The following BBS5 variants were observed in gnomAD, a reference collection of about 807,000 sequenced individuals.
BBS5 encodes Bardet-Biedl syndrome 5.
Under a neutral mutation model 50.2 loss-of-function variants are expected in BBS5, and 39 were observed. The observed-to-expected ratio is 0.78, with a 90% CI of 0.60 to 1.01. BBS5 has a LOEUF of 1.01. Among genes scored for constraint, BBS5 ranks in the 50% least tolerant of loss-of-function variants. BBS5 has a pLI of 0.00. For synonymous variants in BBS5, 134 were observed against 133.1 expected (o/e 1.01, Z -0.05); for missense variants, 356 against 401.5 (o/e 0.89, Z 0.97).
chr2:169,501,701 C>G (rs1683806101), intron 9 of BBS5, among the ~76,000 whole-genome samples: 1 of 152,000 alleles, frequency 6.6e-6, no homozygotes, highest in Non-Finnish European at 1.5e-5. Context: ...TATGATCATG[C>G]CATTGCACTG....
chr2:169,490,430 A>T lies in BBS5; in HGVS notation c.386+2316A>T, dbSNP rs560510958. 3.2e-3 allele frequency among the ~76,000 whole-genome samples: 485 copies of T among 152,050 alleles called. 6 individuals carry two copies. The highest frequency in any genetic ancestry group is 5.2e-3 in the Non-Finnish European group (352 of 67,998). The stretch of plus-strand genomic sequence containing the variant: ...ACGGGGTTTCACTGTGTTAGTCAGG[A>T]TGGTCTCGATCTCCTGACCTTGTGA... On this transcript the variant is annotated intron_variant, in intron 5 of 11. Transcript: ENST00000295240.
chr2:169,479,912 G>T (rs1251065559), intron 1 of BBS5, among the ~76,000 whole-genome samples: 3 of 152,254 alleles, frequency 2.0e-5, no homozygotes, highest in Non-Finnish European at 1.5e-5. Flanking sequence ...CACGACCGGG[G>T]CCACCCGGGG....
chr2:169,505,058 G>A lies in BBS5; in HGVS notation c.*476G>A, dbSNP rs1044717565. On this transcript the variant is annotated 3_prime_UTR_variant, in exon 12 of 12. Coordinates refer to ENST00000295240, the MANE Select transcript of BBS5 (RefSeq NM_152384.3). ...CTGGCTCACTGCAACCTCCCTGCCT[G>A]ATTCTCCTGCCTCAGCCTGCCGAGT... The A allele has an allele frequency of 1.1e-5, 16 of 1,414,504 alleles. No homozygotes were observed. The highest frequency in any genetic ancestry group is 2.3e-5 in the East Asian group (1 of 43,624). 87.6% of individuals were successfully genotyped at this position (1,414,504 alleles called of 1,614,324 possible).
In BBS5 at chr2:169,482,276, G is replaced by A. The variant is rs762598200; in HGVS notation, c.85G>A (p.Val29Ile). The A allele has an allele frequency of 6.2e-7, 1 of 1,610,572 alleles. No homozygotes were observed. The highest frequency in any genetic ancestry group is 8.5e-7 in the Non-Finnish European group (1 of 1,176,862). ...AQQMKTRPGEVLIDCLDSIED... is the reference protein window; with the variant it reads ...AQQMKTRPGEILIDCLDSIED... ...GCAAATGAAAACAAGACCTGGAGAA[G>A]TCCTTATTGATTGTTTAGATTCCAT... Residue 29 changes from valine (V) to isoleucine (I), a missense_variant, in exon 2 of 12, where the codon GTC (valine) becomes ATC (isoleucine). By Grantham distance (29) the Val-to-Ile change is conservative. Coordinates refer to ENST00000295240, the MANE Select transcript of BBS5 (RefSeq NM_152384.3).
intron 1 of BBS5, among the ~76,000 whole-genome samples, chr2:169,480,456 A>G (rs1213981665): frequency 6.6e-6 from 1 of 152,016 alleles, no homozygotes; most frequent in East Asian, 1.9e-4. Flanking sequence ...GTTCCTTATC[A>G]TGGACCTCAC....
chr2:169,479,499 G>T lies in BBS5; in HGVS notation c.-55G>T. On this transcript the variant is annotated 5_prime_UTR_variant, in exon 1 of 12. Transcript: ENST00000295240. ...CGGCCCGTTGCCTTGGAGCCAGAGA[G>T]ACGCAGCTAGGCCTGCACGGCTGTG... is the stretch of plus-strand genomic sequence containing the variant. 6.2e-7 allele frequency: 1 copy of T among 1,600,108 alleles called. No homozygotes were observed. The highest frequency in any genetic ancestry group is 2.2e-5 in the East Asian group (1 of 44,704).
chr2:169,481,001 G>A (rs907392942), intron 1 of BBS5, among the ~76,000 whole-genome samples: 8 of 152,008 alleles, frequency 5.3e-5, no homozygotes, highest in African/African-American at 1.2e-4. Context: ...TTCTTGTAGG[G>A]TTCTTAATCC....
intron 7 of BBS5, among the ~76,000 whole-genome samples, chr2:169,494,100 A>G (rs1683652314): frequency 6.6e-6 from 1 of 152,252 alleles, no homozygotes; most frequent in Admixed American, 6.5e-5. Context: ...AAATTTAAAT[A>G]GTAATACAGA....
intron 1 of BBS5, 39 bp from the exon 2 acceptor site, chr2:169,482,212 G>A: frequency 7.9e-7 from 1 of 1,273,146 alleles, no homozygotes; most frequent in South Asian, 1.2e-5. Context: ...AGCAGGTATA[G>A]TTGTAGCTAT....
At chr2:169,486,107 C>G (rs910688125) in intron 2 of BBS5, among the ~76,000 whole-genome samples, 1 of 152,206 alleles carries the variant, frequency 6.6e-6, no homozygotes, top group African/African-American at 2.4e-5. Context: ...TCCACAGTCT[C>G]CCTTGAGAAT....
Position 169,479,539 on chromosome 2 carries a change from C to G in BBS5, c.-15C>G, listed in dbSNP as rs771564624. On this transcript the variant is annotated 5_prime_UTR_variant, in exon 1 of 12. Transcript: ENST00000295240. ...GCACGGCTGTGGAGAGATCCTGCCA[C>G]GGGCCTTGTTCACCATGTCGGTGCT... The G allele has an allele frequency of 4.9e-5, 79 of 1,614,000 alleles. No individual in the cohort carries two copies. Among genetic ancestry groups the G allele is most frequent in the Non-Finnish European group, 5.4e-5 (64 of 1,179,960 alleles).
intron 5 of BBS5, among the ~76,000 whole-genome samples, chr2:169,490,445 T>C (rs1033305722): frequency 6.6e-6 from 1 of 152,128 alleles, no homozygotes; most frequent in Non-Finnish European, 1.5e-5. Flanking sequence ...CTCGATCTCC[T>C]GACCTTGTGA....
intron 10 of BBS5, among the ~76,000 whole-genome samples, chr2:169,503,439 C>T (rs964380754): frequency 6.6e-6 from 1 of 151,962 alleles, no homozygotes; most frequent in African/African-American, 2.4e-5. Flanking sequence ...GTAGGCTGAT[C>T]GCTTGAGAGG....
rs554049177 is a variant in BBS5, at chr2:169,503,103, G to A, written c.825G>A (p.Pro275=). 1.4e-5 allele frequency: 23 copies of A among 1,612,980 alleles called. No homozygotes were observed. The highest frequency in any genetic ancestry group is 9.4e-5 in the African/African-American group (7 of 74,852). ...CATCTGCTGATTTTCAGCCCCAGCC[G>A]CTCGAAGCTCTGACAGTCGAACAAA... ...VDYEMEEKPQ[P]LEALTVEQIQ... is the part of the protein sequence containing the mutation. The change falls in exon 10 of 12, where the codon CCG becomes CCA. Residue 275 remains proline (P), a synonymous_variant. Transcript: ENST00000295240.
rs191824216 is a variant in BBS5 at position 169,480,498 on chromosome 2, C to A, written c.59+886C>A. Among the ~76,000 whole-genome samples, 563 of 151,970 alleles carry A rather than the reference C, an allele frequency of 3.7e-3. 5 individuals carry two copies. Among genetic ancestry groups the A allele is most frequent in the African/African-American group, 0.012 (517 of 41,420 alleles). ...AGATGGAATCGTTCCTTATCATGGA[C>A]CTCACCTCCTTAGATGGAAAAATGA... On this transcript the variant is annotated intron_variant, in intron 1 of 11. Coordinates refer to ENST00000295240, the MANE Select transcript of BBS5 (RefSeq NM_152384.3).
intron 8 of BBS5, among the ~76,000 whole-genome samples, chr2:169,498,191 C>G (rs904684065): frequency 2.6e-5 from 4 of 152,204 alleles, no homozygotes; most frequent in Non-Finnish European, 5.9e-5. Flanking sequence ...TATTCTCACA[C>G]ACAGATTATA....
In BBS5 at chr2:169,482,316, G is replaced by C; in HGVS notation, c.125G>C (p.Gly42Ala). The change falls in exon 2 of 12, where the codon GGA becomes GCA. Residue 42 changes from glycine to alanine, a missense_variant. Coordinates refer to ENST00000295240, the MANE Select transcript of BBS5 (RefSeq NM_152384.3). Reference sequence around the variant, plus strand: ...TTAGATTCCATTGAAGACACCAAAGGAAATAATGGAGATAGAGGTGAGTAT... The same window carrying C: ...TTAGATTCCATTGAAGACACCAAAGCAAATAATGGAGATAGAGGTGAGTAT... ...DCLDSIEDTKGNNGDRGRLLV... is the reference protein window; with the variant it reads ...DCLDSIEDTKANNGDRGRLLV... The C allele has an allele frequency of 6.3e-7, 1 of 1,595,326 alleles. No homozygotes were observed. Among genetic ancestry groups the C allele is most frequent in the Non-Finnish European group, 8.6e-7 (1 of 1,163,066 alleles).
At position 169,499,480 on chromosome 2, in the gene BBS5, T is replaced by C. The variant is rs759783371; in HGVS notation, c.682-6T>C. On this transcript the variant is annotated splice_region_variant and splice_polypyrimidine_tract_variant and intron_variant, in intron 8 of 11. Coordinates refer to ENST00000295240, the MANE Select transcript of BBS5 (RefSeq NM_152384.3). ...GGGTTTTTTTTTATTATTTTTTCTC[T>C]TGTAGAGTGGTGGATATGTTCTTGG... 1.9e-6 allele frequency: 3 copies of C among 1,612,542 alleles called. No homozygotes were observed. Among genetic ancestry groups the C allele is most frequent in the Non-Finnish European group, 2.5e-6 (3 of 1,178,882 alleles).
intron 5 of BBS5, among the ~76,000 whole-genome samples, chr2:169,490,187 A>ATTTTTTTTTTT (rs1189751993): frequency 3.8e-5 from 3 of 79,418 alleles, no homozygotes; most frequent in African/African-American, 1.1e-4. Flanking sequence ...TGAAATGTGC[A>ATTTTTTTTTTT]TTTTTTTTTT....
Sources: allele counts gnomAD v4.1 joint callset (sites outside exome capture counted in the v4.1 genomes callset), GRCh38; gene constraint gnomAD v4.1.1; transcripts MANE v1.5; gene names NCBI Gene and HGNC (gene_info 2026-07-23, HGNC 2026-07-21).